MARCHF8: variants seen among roughly 807,000 people sequenced by gnomAD.
MARCHF8 encodes E3 ubiquitin-protein ligase MARCHF8.
A neutral mutation model predicts 51.6 loss-of-function variants in MARCHF8; 40 were observed. The observed-to-expected ratio is 0.77, with a 90% confidence interval of 0.60 to 1.01. The LOEUF (loss-of-function observed/expected upper bound fraction) is 1.01, where lower values mean the gene tolerates loss of function less well. MARCHF8 is among the 50% of genes least tolerant of loss of function. The pLI, the probability that MARCHF8 is intolerant of heterozygous loss-of-function variation, is 0.00. For missense variants in MARCHF8, 685 were observed against 708.6 expected (o/e 0.97, Z 0.38); for synonymous variants, 263 against 280.3 (o/e 0.94, Z 0.62).
chr10:45,586,920 C>T (rs1395300525), intron 1 of MARCHF8, among the ~76,000 whole-genome samples: 3 of 151,388 alleles, frequency 2.0e-5, no homozygotes, highest in African/African-American at 4.8e-5. Context: ...GTTTCTTTTC[C>T]TTAACATCTC....
In MARCHF8 at chr10:45,526,344, G is replaced by A. The variant is rs570384264; in HGVS notation, c.102+6766C>T. Among the ~76,000 whole-genome samples the A allele has an allele frequency of 2.2e-4, 33 of 152,326 alleles. 1 individual carries two copies. The South Asian group carries it at 5.2e-3, about 24-fold the overall frequency. On this transcript the variant is annotated intron_variant, in intron 2 of 7. Coordinates refer to ENST00000453424, the MANE Select transcript of MARCHF8 (RefSeq NM_001282866.2). Reference sequence around the variant, plus strand: ...TTCTAGATGCTGGGAAAGGGTAGATGAGAGACTCCCAGGGCTCCACATTCC... The same window carrying A: ...TTCTAGATGCTGGGAAAGGGTAGATAAGAGACTCCCAGGGCTCCACATTCC...
At chr10:45,555,614 C>T (rs1295549040) in intron 1 of MARCHF8, among the ~76,000 whole-genome samples, 1 of 151,686 alleles carries the variant, frequency 6.6e-6, no homozygotes, top group East Asian at 1.9e-4. Context: ...TTTGGTGGTG[C>T]ATGCCTGTGG....
chr10:45,536,835 A>AAATAATAATAATAATAAT (rs60341718), upstream of MARCHF8, among the ~76,000 whole-genome samples: 1 of 134,838 alleles, frequency 7.4e-6, no homozygotes, highest in Non-Finnish European at 1.6e-5. Context: ...ATCTCTACCA[A>AAATAATAATAATAATAAT]AATAATAATA....
At chr10:45,467,290 T>C (rs1843002241) in intron 3 of MARCHF8, among the ~76,000 whole-genome samples, 1 of 152,158 alleles carries the variant, frequency 6.6e-6, no homozygotes, top group South Asian at 2.1e-4. Context: ...AATTTTAAAA[T>C]CTACTTATTG....
At chr10:45,468,913 A>G (rs1466443519) in intron 3 of MARCHF8, among the ~76,000 whole-genome samples, 1 of 152,148 alleles carries the variant, frequency 6.6e-6, no homozygotes, top group Non-Finnish European at 1.5e-5. Context: ...CAGGATGACA[A>G]CTGCCCTCAG....
intron 1 of MARCHF8, among the ~76,000 whole-genome samples, chr10:45,553,542 C>T (rs576536929): frequency 6.6e-6 from 1 of 152,004 alleles, no homozygotes; most frequent in Non-Finnish European, 1.5e-5. Flanking sequence ...ACAACAACAA[C>T]AAAAAATAAG....
At chr10:45,520,792 G>A (rs923620887) in intron 2 of MARCHF8, among the ~76,000 whole-genome samples, 15 of 152,060 alleles carry the variant, frequency 9.9e-5, no homozygotes, top group African/African-American at 3.1e-4. Context: ...TTTTTATTAG[G>A]AGATAGAAAA....
intron 1 of MARCHF8, among the ~76,000 whole-genome samples, chr10:45,579,057 C>T (rs944350838): frequency 6.6e-6 from 1 of 152,210 alleles, no homozygotes. Flanking sequence ...TAGATAACAA[C>T]ACCGTACCAA....
chr10:45,477,435 A>G (rs2042807547), intron 3 of MARCHF8, among the ~76,000 whole-genome samples: 3 of 152,212 alleles, frequency 2.0e-5, no homozygotes, highest in Non-Finnish European at 4.4e-5. Flanking sequence ...AAATAAGCAA[A>G]AAAAAGGACT....
intron 1 of MARCHF8, among the ~76,000 whole-genome samples, chr10:45,577,680 C>T (rs1321307718): frequency 6.6e-6 from 1 of 152,102 alleles, no homozygotes; most frequent in East Asian, 1.9e-4. Flanking sequence ...AAATCAATTT[C>T]CACTGTTTAT....
At chr10:45,491,507 G>C (rs1009426211) in intron 2 of MARCHF8, among the ~76,000 whole-genome samples, 2 of 152,136 alleles carry the variant, frequency 1.3e-5, no homozygotes, top group African/African-American at 4.8e-5. Flanking sequence ...CCACTGCACT[G>C]CATTCCAGCC....
rs567302094 is a variant in MARCHF8 at position 45,457,649 on chromosome 10, C to A, written c.*590G>T. The A allele has an allele frequency of 6.5e-6, 1 of 152,784 alleles. No homozygotes were observed. The highest frequency in any genetic ancestry group is 2.1e-4 in the South Asian group (1 of 4,826). 9.5% of individuals were successfully genotyped at this position (152,784 alleles called of 1,614,324 possible). On this transcript the variant is annotated 3_prime_UTR_variant, in exon 8 of 8. Coordinates refer to ENST00000453424, the MANE Select transcript of MARCHF8 (RefSeq NM_001282866.2). Reference sequence around the variant, plus strand: ...ACACATATTACAAAATAAAGATTTTCTTCTGTAAAGTGCTGTTTGCTCAGT... The same window carrying A: ...ACACATATTACAAAATAAAGATTTTATTCTGTAAAGTGCTGTTTGCTCAGT...
intron 3 of MARCHF8, among the ~76,000 whole-genome samples, chr10:45,474,301 C>T (rs1026522457): frequency 1.3e-5 from 2 of 152,184 alleles, no homozygotes; most frequent in African/African-American, 2.4e-5. Context: ...AGTCACCTCA[C>T]GTCACCTGAG....
chr10:45,588,998 CAA>C (rs72350925), intron 1 of MARCHF8, among the ~76,000 whole-genome samples: 3,307 of 87,558 alleles, frequency 0.038, 21 homozygotes, highest in East Asian at 0.055. Flanking sequence ...GACTACGTTT[CAA>C]AAAAAAAAAA....
At chr10:45,509,272 T>G (rs747506110) in intron 2 of MARCHF8, among the ~76,000 whole-genome samples, 8 of 152,358 alleles carry the variant, frequency 5.3e-5, no homozygotes, top group Non-Finnish European at 1.2e-4. Flanking sequence ...GAGGGATGAC[T>G]GTAGTTTTTG....
intron 2 of MARCHF8, among the ~76,000 whole-genome samples, chr10:45,532,441 T>C (rs1041411247): frequency 4.6e-5 from 7 of 152,190 alleles, no homozygotes; most frequent in Admixed American, 3.9e-4. Context: ...TAATCCATAA[T>C]GTAATGGTAT....
At chr10:45,522,415 A>T (rs1053213384) in intron 2 of MARCHF8, among the ~76,000 whole-genome samples, 1 of 152,192 alleles carries the variant, frequency 6.6e-6, no homozygotes, top group Non-Finnish European at 1.5e-5. Context: ...CCAAGGTCAC[A>T]CTGCTAATTA....
chr10:45,557,495 C>A (rs1412040990), intron 1 of MARCHF8, among the ~76,000 whole-genome samples: 1 of 152,108 alleles, frequency 6.6e-6, no homozygotes, highest in African/African-American at 2.4e-5. Flanking sequence ...CCTCTAGCTA[C>A]CACAGCTTTC....
At chr10:45,539,562 T>C (rs984079736), upstream of MARCHF8, among the ~76,000 whole-genome samples, 7 of 152,086 alleles carry the variant, frequency 4.6e-5, no homozygotes, top group African/African-American at 1.4e-4. Context: ...ACAAAATTGA[T>C]AGACCGCTAG....
Sources: gnomAD v4.1 joint callset for allele counts (sites outside exome capture counted in the v4.1 genomes callset) on GRCh38, gnomAD v4.1.1 for gene constraint, MANE v1.5 for transcripts, NCBI Gene and HGNC (gene_info 2026-07-23, HGNC 2026-07-21) for gene names.